Variants in XYLB observed in about 807,000 individuals in gnomAD.
The protein encoded by XYLB is xylulokinase, also known as xylulose kinase.
In XYLB, 62 loss-of-function variants were observed where a neutral mutation model predicts 78.7. The ratio of observed to expected loss-of-function variants is 0.79; its 90% confidence interval spans 0.64 to 0.97. The LOEUF (loss-of-function observed/expected upper bound fraction) is 0.97. Among genes scored for constraint, XYLB ranks in the 50% least tolerant of loss-of-function variants. The pLI is 0.00. For missense variants in XYLB, 687 were observed against 676.8 expected (o/e 1.02, Z -0.17); for synonymous variants, 245 against 247.4 (o/e 0.99, Z 0.09).
intron 2 of XYLB, among the ~76,000 whole-genome samples, chr3:38,358,499 C>T (rs1705799289): frequency 6.6e-6 from 1 of 151,726 alleles, no homozygotes; most frequent in African/African-American, 2.4e-5. Context: ...TGCCCTCCAC[C>T]ATGCCTGGCT....
At chr3:38,364,599 A>G (rs938033996) in intron 4 of XYLB, among the ~76,000 whole-genome samples, 3 of 138,694 alleles carry the variant, frequency 2.2e-5, no homozygotes, top group African/African-American at 5.5e-5. Flanking sequence ...CCTCACCTGC[A>G]GATTCTCTGC....
downstream of XYLB, among the ~76,000 whole-genome samples, chr3:38,416,678 G>A (rs1708805508): frequency 6.6e-6 from 1 of 152,116 alleles, no homozygotes; most frequent in Admixed American, 6.6e-5. Context: ...AAAGATTACA[G>A]TATCCATATC....
chr3:38,449,610 A>G, the XYLB span, among the ~76,000 whole-genome samples: 9 of 152,176 alleles, frequency 5.9e-5, no homozygotes, highest in African/African-American at 1.9e-4. Context: ...AATGCAGCCA[A>G]CAACCTAACC....
At chr3:38,364,120 T>C (rs1180617846) in intron 4 of XYLB, among the ~76,000 whole-genome samples, 2 of 152,024 alleles carry the variant, frequency 1.3e-5, no homozygotes, top group African/African-American at 4.8e-5. Flanking sequence ...TGTCCCAGAC[T>C]GAGTTCTGTC....
chr3:38,439,596 A>G, the XYLB span, among the ~76,000 whole-genome samples: 3 of 152,078 alleles, frequency 2.0e-5, no homozygotes, highest in African/African-American at 4.8e-5. Flanking sequence ...CCCTGTCTCT[A>G]CTAAAAATAC....
chr3:38,349,565 G>C (rs1375295454), intron 2 of XYLB, among the ~76,000 whole-genome samples: 2 of 152,316 alleles, frequency 1.3e-5, no homozygotes, highest in South Asian at 4.1e-4. Flanking sequence ...AAAATTGAAT[G>C]TGAGATGTAA....
Position 38,376,911 on chromosome 3 carries a change from A to T in XYLB, c.1121-7A>T. 6.2e-7 allele frequency: 1 copy of T among 1,612,884 alleles called. No homozygotes were observed. The highest frequency in any genetic ancestry group is 8.5e-7 in the Non-Finnish European group (1 of 1,179,232). The stretch of plus-strand genomic sequence containing the variant: ...TGACGGCTGATCTCTTCCTGGTTTT[A>T]TTTCAGGTTTTTATTTTGATGTAAT... On this transcript the variant is annotated splice_region_variant and splice_polypyrimidine_tract_variant and intron_variant, in intron 13 of 18. Coordinates refer to ENST00000207870, the MANE Select transcript of XYLB (RefSeq NM_005108.4).
intron 2 of XYLB, among the ~76,000 whole-genome samples, chr3:38,352,300 G>C (rs1033408051): frequency 1.5e-4 from 22 of 151,446 alleles, no homozygotes; most frequent in Admixed American, 1.4e-3. Context: ...CGCCTCCCGG[G>C]TTGTCCTCCA....
the XYLB span, among the ~76,000 whole-genome samples, chr3:38,442,518 G>A: frequency 6.6e-6 from 1 of 152,102 alleles, no homozygotes; most frequent in African/African-American, 2.4e-5. Context: ...ACAGTGCAGG[G>A]GAATACAGAA....
chr3:38,394,851 C>A (rs1575520312), intron 15 of XYLB, among the ~76,000 whole-genome samples: 1 of 152,278 alleles, frequency 6.6e-6, no homozygotes, highest in African/African-American at 2.4e-5. Context: ...TGGCTGTTGG[C>A]AAGAGGCCTC....
At chr3:38,357,552 A>G (rs1424217560) in intron 2 of XYLB, among the ~76,000 whole-genome samples, 6 of 151,990 alleles carry the variant, frequency 3.9e-5, no homozygotes, top group Non-Finnish European at 8.8e-5. Flanking sequence ...ACGCCTGGCT[A>G]ATTTTTTGTA....
chr3:38,445,581 A>G, the XYLB span, among the ~76,000 whole-genome samples: 1 of 152,218 alleles, frequency 6.6e-6, no homozygotes, highest in Non-Finnish European at 1.5e-5. Context: ...TAACTTTGAG[A>G]GTTCCACTCA....
rs909496932 is a variant in XYLB, at chr3:38,365,697, T to C, written c.468T>C (p.Ala156=). 1.1e-5 allele frequency: 18 copies of C among 1,613,614 alleles called. No individual in the cohort carries two copies. Among genetic ancestry groups the C allele is most frequent in the Non-Finnish European group, 1.4e-5 (17 of 1,179,942 alleles). ...CRQLEAAVGG[A]QALSCLTGSR... Reference sequence around the variant, plus strand: ...AGCTGGAGGCTGCTGTGGGTGGTGCTCAGGCTCTCAGCTGCCTCACGGGGT... The same window carrying C: ...AGCTGGAGGCTGCTGTGGGTGGTGCCCAGGCTCTCAGCTGCCTCACGGGGT... Residue 156 remains alanine, a synonymous_variant, in exon 6 of 19, where the codon GCT becomes GCC. Coordinates refer to ENST00000207870, the MANE Select transcript of XYLB (RefSeq NM_005108.4).
chr3:38,348,442 T>A (rs1188496863), intron 1 of XYLB, 108 bp from the exon 2 acceptor site: 1 of 1,021,634 alleles, frequency 9.8e-7, no homozygotes, highest in Non-Finnish European at 1.5e-6. Flanking sequence ...GGTCTCTAGG[T>A]TGAACTGCTC....
intron 2 of XYLB, among the ~76,000 whole-genome samples, chr3:38,351,115 T>TGAGCCAA (rs1705333550): frequency 1.6e-5 from 2 of 128,954 alleles, no homozygotes; most frequent in Non-Finnish European, 3.1e-5. Context: ...GAGGTTTCGG[T>TGAGCCAA]GAGCCAAGAT....
At chr3:38,404,409 C>T (rs535536224) in intron 18 of XYLB, among the ~76,000 whole-genome samples, 39 of 152,372 alleles carry the variant, frequency 2.6e-4, no homozygotes, top group African/African-American at 9.1e-4. Context: ...CAGAAGCCAG[C>T]AGGCTCCTTC....
intron 18 of XYLB, among the ~76,000 whole-genome samples, chr3:38,411,748 C>T (rs757403023): frequency 9.9e-5 from 15 of 151,858 alleles, no homozygotes; most frequent in Non-Finnish European, 7.4e-5. Context: ...GGACTATCAA[C>T]GGTTTTACTA....
At chr3:38,419,603 T>TATAAAA (rs71085322), downstream of XYLB, among the ~76,000 whole-genome samples, 2 of 80,884 alleles carry the variant, frequency 2.5e-5, no homozygotes, top group Admixed American at 1.5e-4. Flanking sequence ...TATATATATA[T>TATAAAA]AATAGCCATC....
At chr3:38,379,202 C>A (rs1278601980) in intron 14 of XYLB, 44 bp from the exon 15 acceptor site, 2 of 1,587,490 alleles carry the variant, frequency 1.3e-6, no homozygotes, top group African/African-American at 2.7e-5. Flanking sequence ...CACGAATGGA[C>A]AATGAGAGTT....
Sources: allele counts gnomAD v4.1 joint callset (sites outside exome capture counted in the v4.1 genomes callset), GRCh38; gene constraint gnomAD v4.1.1; transcripts MANE v1.5; gene names NCBI Gene and HGNC (gene_info 2026-07-23, HGNC 2026-07-21).